CCDC68: variants seen among roughly 807,000 people sequenced by gnomAD.
CCDC68 encodes coiled-coil domain containing 68.
CCDC68 carries 45 observed loss-of-function variants against 47.1 expected under a neutral mutation model. That is an observed-to-expected ratio of 0.96 (90% CI 0.75 to 1.23). CCDC68 has a LOEUF of 1.23. Among genes scored for constraint, CCDC68 ranks in the 50% most tolerant of loss-of-function variants. The pLI, the probability that CCDC68 is intolerant of heterozygous loss-of-function variation, is 0.00. For synonymous variants in CCDC68, 131 were observed against 129.5 expected, an observed-to-expected ratio of 1.01 and a Z score of -0.08; for missense variants, 353 against 373.6, an observed-to-expected ratio of 0.94 and a Z score of 0.45.
intron 7 of CCDC68, among the ~76,000 whole-genome samples, chr18:54,931,507 G>A (rs1316765483): frequency 1.3e-5 from 2 of 152,186 alleles, no homozygotes; most frequent in South Asian, 4.1e-4. Context: ...GAAGACGGGG[G>A]CATAATGGAA....
At chr18:54,921,686 T>C (rs1459809031) in intron 8 of CCDC68, among the ~76,000 whole-genome samples, 1 of 152,220 alleles carries the variant, frequency 6.6e-6, no homozygotes, top group African/African-American at 2.4e-5. Flanking sequence ...ATCGGAAACA[T>C]GTCTGATTAT....
intron 1 of CCDC68, among the ~76,000 whole-genome samples, chr18:54,946,804 GT>G (rs1240918082): frequency 6.6e-6 from 1 of 151,652 alleles, no homozygotes; most frequent in Non-Finnish European, 1.5e-5. Context: ...TCAGGTAGGG[GT>G]GATAACACCT....
intron 1 of CCDC68, among the ~76,000 whole-genome samples, chr18:54,949,158 TA>T (rs1452097725): frequency 4.6e-5 from 7 of 152,148 alleles, no homozygotes; most frequent in African/African-American, 1.7e-4. Flanking sequence ...TAAACCCAGC[TA>T]ATTTTTTTGT....
chr18:54,917,407 G>A (rs1354544909), intron 10 of CCDC68, among the ~76,000 whole-genome samples: 1 of 152,092 alleles, frequency 6.6e-6, no homozygotes, highest in East Asian at 1.9e-4. Context: ...ATTTGAGCAA[G>A]CCTCTGATTC....
chr18:54,915,339 T>C (rs1021740457), intron 10 of CCDC68, among the ~76,000 whole-genome samples: 1 of 152,220 alleles, frequency 6.6e-6, no homozygotes, highest in African/African-American at 2.4e-5. Flanking sequence ...GCCTATACTG[T>C]AGTAGCCACT....
chr18:54,942,703 A>G lies in CCDC68; in HGVS notation c.89T>C (p.Ile30Thr). Residue 30 changes from isoleucine (I) to threonine (T), a missense_variant, in exon 3 of 12, where the codon ATT becomes ACT. By Grantham distance (89) the Ile-to-Thr change is moderately conservative. Transcript: ENST00000591504. ...SALYESTSAH[I>T]IEETEYVKKI... ...TTTCACATACTCGGTTTCTTCAATA[A>G]TGTGAGCGGACGTAGACTCATACAA... 6.2e-7 allele frequency: 1 copy of G among 1,606,786 alleles called. No homozygotes were observed. Among genetic ancestry groups the G allele is most frequent in the East Asian group, 2.2e-5 (1 of 44,580 alleles).
At chr18:54,909,292 G>T (rs1914202267) in intron 10 of CCDC68, among the ~76,000 whole-genome samples, 1 of 152,144 alleles carries the variant, frequency 6.6e-6, no homozygotes, top group Admixed American at 6.5e-5. Flanking sequence ...ACGATGACAA[G>T]TGATGAACAG....
chr18:54,940,900 C>T (rs1350874185), intron 4 of CCDC68, 97 bp downstream of exon 4: 3 of 786,338 alleles, frequency 3.8e-6, no homozygotes, highest in African/African-American at 3.5e-5. Flanking sequence ...TATTTCAACA[C>T]TCATCCTTCG....
chr18:54,938,263 T>G lies in CCDC68; in HGVS notation c.205-166A>C, dbSNP rs559584571. Among the ~76,000 whole-genome samples, 4 of 152,358 alleles carry G rather than the reference T, an allele frequency of 2.6e-5. No homozygotes were observed. In the South Asian group the frequency reaches 8.3e-4, roughly 32 times the overall value. On this transcript the variant is annotated intron_variant, in intron 4 of 11. Transcript: ENST00000591504. ...AATGGGAAATTCTAGATGAAGCAGTTGACTTCTAATTTGCTGAAATTTAAA... is the reference window on the plus strand; with the variant it reads ...AATGGGAAATTCTAGATGAAGCAGTGGACTTCTAATTTGCTGAAATTTAAA...
intron 1 of CCDC68, among the ~76,000 whole-genome samples, chr18:54,953,516 A>G (rs2056384374): frequency 8.7e-5 from 1 of 11,524 alleles, no homozygotes; most frequent in African/African-American, 8.4e-4. Flanking sequence ...ATACATACAC[A>G]CACACACACA....
intron 11 of CCDC68, among the ~76,000 whole-genome samples, chr18:54,907,088 C>T (rs749024376): frequency 6.6e-6 from 1 of 152,146 alleles, no homozygotes. Context: ...AGTTTTTAAT[C>T]ACTTTTTGAA....
At chr18:54,937,656 G>A (rs187350275) in intron 5 of CCDC68, 3 of 237,190 alleles carry the variant, frequency 1.3e-5, no homozygotes, top group African/African-American at 6.8e-5. Flanking sequence ...GTACAGTATT[G>A]TTAACTATAG....
At chr18:54,949,995 A>C (rs1280763612) in intron 1 of CCDC68, among the ~76,000 whole-genome samples, 1 of 152,072 alleles carries the variant, frequency 6.6e-6, no homozygotes, top group Non-Finnish European at 1.5e-5. Flanking sequence ...TCACAACCTG[A>C]TTTCACCGGT....
rs1034014291 is a variant in CCDC68 at position 54,904,111 on chromosome 18, G to C, written c.*247C>G. ...TTTTTTTTTTTTTTAATTTAAAGCAGAATCTGTCTTCCATCATGAGAAGGC... is the reference window on the plus strand; with the variant it reads ...TTTTTTTTTTTTTTAATTTAAAGCACAATCTGTCTTCCATCATGAGAAGGC... On this transcript the variant is annotated 3_prime_UTR_variant, in exon 12 of 12. Coordinates refer to ENST00000591504, the MANE Select transcript of CCDC68 (RefSeq NM_025214.3). 1.2e-5 allele frequency: 4 copies of C among 329,170 alleles called. No individual in the cohort carries two copies. Among genetic ancestry groups the C allele is most frequent in the African/African-American group, 2.2e-5 (1 of 45,598 alleles). The allele number at this position is 329,170 out of a possible 1,614,324, so 20.4% of individuals were successfully genotyped here.
rs141297628 is a variant in CCDC68 at position 54,948,073 on chromosome 18, C to T, written c.-102-2596G>A. On this transcript the variant is annotated intron_variant, in intron 1 of 11. Transcript: ENST00000591504. ...GAATAGCAGTACTACACAATAAACA[C>T]AAACAAATGCCTGTGATGGGTTGAA... Among the ~76,000 whole-genome samples the T allele has an allele frequency of 2.6e-5, 4 of 152,278 alleles. No individual in the cohort carries two copies. In the East Asian group the frequency reaches 7.7e-4, roughly 29 times the overall value.
At chr18:54,940,371 A>C (rs2044415837) in intron 4 of CCDC68, among the ~76,000 whole-genome samples, 1 of 152,180 alleles carries the variant, frequency 6.6e-6, no homozygotes, top group East Asian at 1.9e-4. Flanking sequence ...AAGTATTTTA[A>C]ATAATAATTG....
At chr18:54,935,631 G>A (rs868113513) in intron 6 of CCDC68, among the ~76,000 whole-genome samples, 4 of 152,056 alleles carry the variant, frequency 2.6e-5, no homozygotes, top group African/African-American at 4.8e-5. Context: ...CCCCACAAGC[G>A]CCCCCATAGC....
chr18:54,945,154 T>G (rs1049404564), intron 2 of CCDC68, among the ~76,000 whole-genome samples: 2 of 152,138 alleles, frequency 1.3e-5, no homozygotes, highest in African/African-American at 2.4e-5. Context: ...AAAAAGGACA[T>G]GCGGATAAAG....
At chr18:54,915,335 A>G (rs1184624446) in intron 10 of CCDC68, among the ~76,000 whole-genome samples, 14 of 152,222 alleles carry the variant, frequency 9.2e-5, no homozygotes, top group Admixed American at 9.2e-4. Context: ...TAGTGCCTAT[A>G]CTGTAGTAGC....
Sources: gnomAD v4.1 joint callset for allele counts (sites outside exome capture counted in the v4.1 genomes callset) on GRCh38, gnomAD v4.1.1 for gene constraint, MANE v1.5 for transcripts, NCBI Gene and HGNC (gene_info 2026-07-23, HGNC 2026-07-21) for gene names.